The following CYP3A43 variants were observed in gnomAD, a reference collection of about 807,000 sequenced individuals.
CYP3A43 encodes cytochrome P450 family 3 subfamily A member 43.
Under a neutral mutation model 58.0 loss-of-function variants are expected in CYP3A43, and 45 were observed. The observed-to-expected ratio is 0.78, with a 90% confidence interval of 0.61 to 0.99. The LOEUF (loss-of-function observed/expected upper bound fraction) is 0.99, where lower values mean the gene tolerates loss of function less well. CYP3A43 is among the 50% of genes least tolerant of loss of function. The pLI, the probability that CYP3A43 is intolerant of heterozygous loss-of-function variation, is 0.00. For missense variants in CYP3A43, 593 were observed against 591.9 expected, an observed-to-expected ratio of 1.00 and a Z score of -0.02; for synonymous variants, 191 against 201.4, an observed-to-expected ratio of 0.95 and a Z score of 0.44.
intron 11 of CYP3A43, among the ~76,000 whole-genome samples, chr7:99,862,300 CAT>C (rs1290830097): frequency 6.6e-6 from 1 of 152,166 alleles, no homozygotes; most frequent in Non-Finnish European, 1.5e-5. Flanking sequence ...ACGTTTAGGA[CAT>C]GTTTCCACAT....
intron 4 of CYP3A43, among the ~76,000 whole-genome samples, chr7:99,847,220 C>T (rs1001962954): frequency 7.9e-5 from 12 of 152,024 alleles, no homozygotes; most frequent in African/African-American, 2.4e-4. Flanking sequence ...TTCTCTTCCA[C>T]GTGGAAACCA....
At chr7:99,848,346 T>G (rs1313024628) in intron 6 of CYP3A43, 92 bp downstream of exon 6, 11 of 1,353,098 alleles carry the variant, frequency 8.1e-6, no homozygotes, top group Non-Finnish European at 1.1e-5. Flanking sequence ...GTTACTCCAG[T>G]GATCGGACAA....
At chr7:99,856,038 T>A (rs1023839966) in intron 8 of CYP3A43, among the ~76,000 whole-genome samples, 3 of 152,242 alleles carry the variant, frequency 2.0e-5, no homozygotes, top group Admixed American at 6.5e-5. Flanking sequence ...TGCCAATAAA[T>A]CTGACTGGAT....
rs1343568581 is a variant in CYP3A43 at position 99,864,833 on chromosome 7, A to G, written c.1417-1073A>G. 2.7e-5 allele frequency among the ~76,000 whole-genome samples: 4 copies of G among 148,568 alleles called. 1 individual carries two copies. Among genetic ancestry groups the G allele is most frequent in the African/African-American group, 1.1e-4 (4 of 38,042 alleles). ...TGAGTGTGTATGTCTGTCTGCAGGAAAAACATTCATGCCATTTGAAATTTT... is the reference window on the plus strand; with the variant it reads ...TGAGTGTGTATGTCTGTCTGCAGGAGAAACATTCATGCCATTTGAAATTTT... On this transcript the variant is annotated intron_variant, in intron 12 of 12. Transcript: ENST00000354829.
chr7:99,861,310 A>G (rs75131897), intron 10 of CYP3A43, among the ~76,000 whole-genome samples: 1 of 152,172 alleles, frequency 6.6e-6, no homozygotes, highest in African/African-American at 2.4e-5. Flanking sequence ...GGTGATTCAA[A>G]TGGCCATCGT....
At chr7:99,849,852 A>G (rs1817682616) in intron 7 of CYP3A43, 158 bp downstream of exon 7, 2 of 788,716 alleles carry the variant, frequency 2.5e-6, no homozygotes, top group Non-Finnish European at 3.9e-6. Flanking sequence ...CACAACCAAC[A>G]TCATTGTTAA....
chr7:99,829,182 T>A (rs1816742510), intron 1 of CYP3A43, among the ~76,000 whole-genome samples: 1 of 152,214 alleles, frequency 6.6e-6, no homozygotes, highest in Non-Finnish European at 1.5e-5. Context: ...ACCCAAGAGA[T>A]TCACCTTGCC....
chr7:99,834,517 A>G (rs1206879975), intron 1 of CYP3A43, among the ~76,000 whole-genome samples: 1 of 152,174 alleles, frequency 6.6e-6, no homozygotes, highest in Non-Finnish European at 1.5e-5. Context: ...TCCCCTGTCC[A>G]TTTAGTCAGC....
intron 11 of CYP3A43, among the ~76,000 whole-genome samples, chr7:99,862,929 C>G (rs1031977564): frequency 6.6e-6 from 1 of 152,198 alleles, no homozygotes; most frequent in African/African-American, 2.4e-5. Flanking sequence ...TCAGAGACCA[C>G]TCATTGTACT....
At chr7:99,840,070 C>T (rs1817271867) in intron 3 of CYP3A43, among the ~76,000 whole-genome samples, 1 of 152,146 alleles carries the variant, frequency 6.6e-6, no homozygotes, top group Non-Finnish European at 1.5e-5. Flanking sequence ...CAGCATTTAC[C>T]CGTGCAAGCT....
intron 12 of CYP3A43, among the ~76,000 whole-genome samples, chr7:99,864,447 C>A (rs1378779712): frequency 1.3e-5 from 2 of 148,570 alleles, no homozygotes; most frequent in African/African-American, 2.6e-5. Flanking sequence ...CCCACAAGTC[C>A]TACATCAATT....
intron 1 of CYP3A43, among the ~76,000 whole-genome samples, chr7:99,832,247 T>TAA (rs111403180): frequency 8.5e-5 from 12 of 141,578 alleles, no homozygotes; most frequent in African/African-American, 3.1e-4. Flanking sequence ...GTTCAAAAGA[T>TAA]AAAAAAAAAA....
In CYP3A43 at chr7:99,849,600, C is replaced by G. The variant is rs1267839068; in HGVS notation, c.576C>G (p.Asn192Lys). Residue 192 changes from asparagine (N) to lysine (K), a missense_variant, in exon 7 of 13, where the codon AAC becomes AAG. Physicochemically the swap from Asn to Lys is moderately conservative, Grantham distance 94. Transcript: ENST00000354829. ...DVITGTLFGVNLDSLNNPQDP... is the reference protein window; with the variant it reads ...DVITGTLFGVKLDSLNNPQDP... ...TCACTGGCACATTATTTGGAGTGAA[C>G]TTGGATTCTCTCAACAATCCACAAG... 2.5e-6 allele frequency: 4 copies of G among 1,613,150 alleles called. No homozygotes were observed. In the East Asian group the frequency reaches 6.7e-5, roughly 27 times the overall value.
At chr7:99,839,194 A>G in intron 3 of CYP3A43, 22 bp downstream of exon 3, 4 of 1,613,948 alleles carry the variant, frequency 2.5e-6, no homozygotes, top group Non-Finnish European at 3.4e-6. Context: ...GGAAACTTGC[A>G]TTGGATAGAG....
At chr7:99,860,870 G>A (rs1486026840) in intron 10 of CYP3A43, among the ~76,000 whole-genome samples, 1 of 145,296 alleles carries the variant, frequency 6.9e-6, no homozygotes, top group African/African-American at 2.9e-5. Flanking sequence ...ATAACATAGT[G>A]TTACTCTCCA....
chr7:99,864,923 G>A (rs1285593089), intron 12 of CYP3A43, among the ~76,000 whole-genome samples: 1 of 148,502 alleles, frequency 6.7e-6, no homozygotes, highest in African/African-American at 2.6e-5. Flanking sequence ...ATGAACACTT[G>A]TCATTTATTT....
At chr7:99,865,832 A>C in intron 12 of CYP3A43, 74 bp from the exon 13 acceptor site, 1 of 1,081,886 alleles carries the variant, frequency 9.2e-7, no homozygotes, top group Non-Finnish European at 1.3e-6. Context: ...CCTTGATGTC[A>C]TCTTTTTTAT....
At chr7:99,857,279 T>G (rs147711233) in intron 9 of CYP3A43, among the ~76,000 whole-genome samples, 41 of 152,338 alleles carry the variant, frequency 2.7e-4, no homozygotes, top group Admixed American at 1.2e-3. Flanking sequence ...CTGGAAACAC[T>G]TGGTGAAAGT....
chr7:99,847,936 T>A, intron 5 of CYP3A43: 1 of 558,160 alleles, frequency 1.8e-6, no homozygotes, highest in Non-Finnish European at 3.2e-6. Flanking sequence ...TGTTTGAATC[T>A]AGAGGCGGAG....
Sources: gnomAD v4.1 joint callset for allele counts (sites outside exome capture counted in the v4.1 genomes callset) on GRCh38, gnomAD v4.1.1 for gene constraint, MANE v1.5 for transcripts, NCBI Gene and HGNC (gene_info 2026-07-23, HGNC 2026-07-21) for gene names.